Variants in BFSP1 observed in about 807,000 individuals in gnomAD.
The protein encoded by BFSP1 is beaded filament structural protein 1, also known as filensin.
BFSP1 carries 38 observed loss-of-function variants against 43.9 expected under a neutral mutation model. The observed-to-expected ratio is 0.87, with a 90% confidence interval of 0.67 to 1.14. The LOEUF is 1.14. BFSP1 is among the 50% of genes most tolerant of loss of function. BFSP1 has a pLI of 0.00. For missense variants in BFSP1, 850 were observed against 875.1 expected (o/e 0.97, Z 0.36); for synonymous variants, 352 against 354.8 (o/e 0.99, Z 0.09).
intron 3 of BFSP1, among the ~76,000 whole-genome samples, chr20:17,513,006 T>C (rs778037127): frequency 3.3e-5 from 5 of 152,140 alleles, no homozygotes; most frequent in South Asian, 2.1e-4. Flanking sequence ...GGCCAACAAA[T>C]GGTCATCTTG....
At chr20:17,556,041 T>G (rs774079241) in intron 1 of BFSP1, among the ~76,000 whole-genome samples, 2 of 152,110 alleles carry the variant, frequency 1.3e-5, no homozygotes, top group East Asian at 3.8e-4. Context: ...GAATAGATGG[T>G]AAAAATGACA....
At chr20:17,506,658 G>A (rs1429874615) in intron 5 of BFSP1, among the ~76,000 whole-genome samples, 1 of 151,280 alleles carries the variant, frequency 6.6e-6, no homozygotes, top group Non-Finnish European at 1.5e-5. Flanking sequence ...CTAAGTAGCT[G>A]GAACCACAGG....
intron 5 of BFSP1, among the ~76,000 whole-genome samples, chr20:17,500,331 C>A (rs2033765391): frequency 6.6e-6 from 1 of 152,136 alleles, no homozygotes; most frequent in Non-Finnish European, 1.5e-5. Context: ...AATGCTCAGT[C>A]ATGGGCCACA....
At chr20:17,547,937 A>AG (rs1568714590) in intron 1 of BFSP1, among the ~76,000 whole-genome samples, 2 of 137,070 alleles carry the variant, frequency 1.5e-5, no homozygotes, top group African/African-American at 5.5e-5. Flanking sequence ...TAGTAGAGAC[A>AG]GGGGTTTCAC....
At chr20:17,539,094 T>C (rs1407486861) in intron 1 of BFSP1, among the ~76,000 whole-genome samples, 1 of 147,738 alleles carries the variant, frequency 6.8e-6, no homozygotes, top group Non-Finnish European at 1.5e-5. Flanking sequence ...TCCATGAATA[T>C]ATTTCTTCTT....
At chr20:17,545,986 C>G (rs573146043) in intron 1 of BFSP1, among the ~76,000 whole-genome samples, 19 of 152,238 alleles carry the variant, frequency 1.2e-4, no homozygotes, top group African/African-American at 3.6e-4. Flanking sequence ...TAAACTATCT[C>G]GTCTTTCATC....
At chr20:17,555,486 CT>C (rs1300499222) in intron 1 of BFSP1, among the ~76,000 whole-genome samples, 1 of 149,364 alleles carries the variant, frequency 6.7e-6, no homozygotes, top group East Asian at 2.0e-4. Context: ...TGTCCTGTCT[CT>C]ACTAAAAATA....
intron 2 of BFSP1, among the ~76,000 whole-genome samples, chr20:17,520,593 G>A (rs759321955): frequency 6.6e-6 from 1 of 152,172 alleles, no homozygotes; most frequent in Non-Finnish European, 1.5e-5. Context: ...TTGGCCTGGA[G>A]GGCACTGGAC....
chr20:17,531,168 G>T lies in BFSP1; in HGVS notation c.162C>A (p.His54Gln), dbSNP rs2034528177. Reference sequence around the variant, plus strand: ...GCTCGAGGGCGCGGGCCCGCTGGACGTGGGCGGCCACGCGCTCGCCGAGCC... The same window carrying T: ...GCTCGAGGGCGCGGGCCCGCTGGACTTGGGCGGCCACGCGCTCGCCGAGCC... ...LQGLGERVAA[H>Q]VQRARALEQR... Residue 54 changes from histidine to glutamine, a missense_variant, in exon 1 of 8, where the codon CAC becomes CAA. Physicochemically the swap from His to Gln is conservative, Grantham distance 24 (BLOSUM62 0). Transcript: ENST00000377873. 1.4e-5 allele frequency: 18 copies of T among 1,293,894 alleles called. No individual in the cohort carries two copies. Among genetic ancestry groups the T allele is most frequent in the East Asian group, 6.5e-5 (2 of 30,892 alleles). 80.2% of individuals were successfully genotyped at this position (1,293,894 alleles called of 1,614,324 possible). A position where few individuals can be genotyped will look rare whatever the true frequency, so the allele number is the denominator to read the frequency against.
chr20:17,499,409 T>C (rs1024183799), intron 5 of BFSP1, among the ~76,000 whole-genome samples: 1 of 145,012 alleles, frequency 6.9e-6, no homozygotes, highest in Non-Finnish European at 1.5e-5. Context: ...TGGGCTTTTT[T>C]TTTTTTTTTT....
At chr20:17,516,768 T>G (rs947326586) in intron 2 of BFSP1, 1 of 407,050 alleles carries the variant, frequency 2.5e-6, no homozygotes, top group African/African-American at 2.0e-5. Context: ...TTAGTCAATG[T>G]GCAACCCTTA....
At chr20:17,504,379 G>T (rs1169887270) in intron 5 of BFSP1, among the ~76,000 whole-genome samples, 3 of 152,164 alleles carry the variant, frequency 2.0e-5, no homozygotes, top group Non-Finnish European at 4.4e-5. Context: ...TCCTGTCTCA[G>T]GAGCTCAACA....
Position 17,531,071 on chromosome 20 carries a change from C to T in BFSP1, c.259G>A (p.Ala87Thr). ...TTGCTCTCGACTTGGCGGGCGAGGGCGTCCTCGGGCCCGGCCAGCTCGCCC... is the reference window on the plus strand; with the variant it reads ...TTGCTCTCGACTTGGCGGGCGAGGGTGTCCTCGGGCCCGGCCAGCTCGCCC... Reference protein sequence around the residue: ...RLGELAGPEDALARQVESNRQ... With the variant: ...RLGELAGPEDTLARQVESNRQ... The change falls in exon 1 of 8, where the codon GCC becomes ACC. Residue 87 changes from alanine (A) to threonine (T), a missense_variant. Coordinates refer to ENST00000377873, the MANE Select transcript of BFSP1 (RefSeq NM_001195.5). 7.2e-7 allele frequency: 1 copy of T among 1,394,548 alleles called. No homozygotes were observed. The highest frequency in any genetic ancestry group is 9.3e-7 in the Non-Finnish European group (1 of 1,075,774). The allele number at this position is 1,394,548 out of a possible 1,614,324, so 86.4% of individuals were successfully genotyped here.
At chr20:17,505,611 G>T (rs1234691388) in intron 5 of BFSP1, among the ~76,000 whole-genome samples, 1 of 152,238 alleles carries the variant, frequency 6.6e-6, no homozygotes, top group South Asian at 2.1e-4. Context: ...TGCTACATTG[G>T]GAAGCCACTA....
At chr20:17,529,134 G>A (rs944884877) in intron 1 of BFSP1, among the ~76,000 whole-genome samples, 12 of 150,776 alleles carry the variant, frequency 8.0e-5, no homozygotes, top group African/African-American at 2.5e-4. Flanking sequence ...GTGCAGTGGC[G>A]CAATCTCAGC....
At position 17,542,427 on chromosome 20, in the gene BFSP1, C is replaced by CAAA. The variant is rs3076281; in HGVS notation, c.2+16258_2+16260dup. The stretch of plus-strand genomic sequence containing the variant: ...CAACATACAGAGACCTCATCTCTAC[C>CAAA]AAAAAAAAAAAAAAAAAAAAAATTC... On this transcript the variant is annotated intron_variant, in intron 1 of 7. Transcript: ENST00000377868. Among the ~76,000 whole-genome samples, 1,010 of 114,806 alleles carry CAAA rather than the reference C, an allele frequency of 8.8e-3. 13 individuals carry two copies. Among genetic ancestry groups the CAAA allele is most frequent in the African/African-American group, 0.032 (968 of 29,888 alleles). 75.3% of individuals were successfully genotyped at this position (114,806 alleles called of 152,430 possible).
chr20:17,565,243 G>A (rs1240602565), intron 1 of BFSP1, among the ~76,000 whole-genome samples: 1 of 152,174 alleles, frequency 6.6e-6, no homozygotes, highest in African/African-American at 2.4e-5. Context: ...AACTACTGTA[G>A]GAGGGATTAT....
chr20:17,559,034 G>C, upstream of BFSP1: 21 of 230,690 alleles, frequency 9.1e-5, no homozygotes, highest in East Asian at 3.4e-4. Context: ...CTTCCAAAAA[G>C]AAGAGTAAAG....
In BFSP1 at chr20:17,507,031, G is replaced by A. The variant is rs568422907; in HGVS notation, c.735+1858C>T. The A allele has an allele frequency of 7.9e-5, 12 of 152,160 alleles. No individual in the cohort carries two copies. Among genetic ancestry groups the A allele is most frequent in the East Asian group, 5.8e-4 (3 of 5,182 alleles). The allele number at this position is 152,160 out of a possible 1,614,324, so 9.4% of individuals were successfully genotyped here. On this transcript the variant is annotated intron_variant, in intron 5 of 7. Transcript: ENST00000377873. This position sits in a 1 kb window ranked among gnomAD's most constrained non-coding sequence, Gnocchi z 4.4. ...GGACAGAAACAGGCGGCCAACCAGC[G>A]GTTTCATTTCATGTTCTCAGAAACC...
Sources: gnomAD v4.1 joint callset for allele counts (sites outside exome capture counted in the v4.1 genomes callset) on GRCh38, gnomAD v4.1.1 for gene constraint, Gnocchi (gnomAD v3.1) non-coding constraint, MANE v1.5 for transcripts, NCBI Gene and HGNC (gene_info 2026-07-23, HGNC 2026-07-21) for gene names.